The following SLIT1 variants were observed in gnomAD, a reference collection of about 807,000 sequenced individuals.
SLIT1 encodes slit homolog 1 protein.
In SLIT1, 66 loss-of-function variants were observed where a neutral mutation model predicts 186.1. The observed-to-expected ratio is 0.35, with a 90% CI of 0.29 to 0.44. The LOEUF is 0.44. Ranked by LOEUF, SLIT1 falls within the 20% of genes least tolerant of loss-of-function variation. The pLI is 1.00. For missense variants in SLIT1, 1,638 were observed against 2,037.4 expected (o/e 0.80, Z 3.77); for synonymous variants, 761 against 833.8 (o/e 0.91, Z 1.50).
intron 4 of SLIT1, among the ~76,000 whole-genome samples, chr10:97,109,385 AG>A (rs1039614107): frequency 4.1e-4 from 63 of 152,156 alleles, no homozygotes; most frequent in African/African-American, 1.4e-3. Context: ...CTGCAACCTC[AG>A]CTACTCTCTC....
intron 4 of SLIT1, among the ~76,000 whole-genome samples, chr10:97,070,241 G>A (rs181688364): frequency 7.9e-5 from 12 of 152,324 alleles, no homozygotes; most frequent in African/African-American, 1.9e-4. Context: ...CTTGAAAGCC[G>A]CAGTGTTTTG....
chr10:97,043,262 C>A lies in SLIT1; in HGVS notation c.1997+108G>T. 6.9e-7 allele frequency: 1 copy of A among 1,457,054 alleles called. No individual in the cohort carries two copies. The highest frequency in any genetic ancestry group is 1.8e-5 in the Admixed American group (1 of 54,210). 90.3% of individuals were successfully genotyped at this position (1,457,054 alleles called of 1,614,324 possible). A position where few individuals can be genotyped will look rare whatever the true frequency, so the allele number is the denominator to read the frequency against. Reference sequence around the variant, plus strand: ...ATGTGGAACCCACGTTTCAGCAAACCACGAAGACCCAGCACCCCCAGGGTG... The same window carrying A: ...ATGTGGAACCCACGTTTCAGCAAACAACGAAGACCCAGCACCCCCAGGGTG... On this transcript the variant is annotated intron_variant, in intron 19 of 36. Coordinates refer to ENST00000266058, the MANE Select transcript of SLIT1 (RefSeq NM_003061.3). The surrounding 1 kb of genome is among the most constrained non-coding windows in gnomAD (Gnocchi z 7.0).
At chr10:97,078,344 G>A (rs1849066662) in intron 4 of SLIT1, among the ~76,000 whole-genome samples, 1 of 152,040 alleles carries the variant, frequency 6.6e-6, no homozygotes, top group African/African-American at 2.4e-5. Context: ...AAACCCTCCT[G>A]TGGCAGCCCC....
intron 13 of SLIT1, among the ~76,000 whole-genome samples, chr10:97,054,609 C>T (rs1848821037): frequency 6.6e-6 from 1 of 152,138 alleles, no homozygotes; most frequent in Non-Finnish European, 1.5e-5. Flanking sequence ...TCCACAATCC[C>T]ATCTATAAAA....
Position 97,043,005 on chromosome 10 carries a change from C to T in SLIT1, c.2060G>A (p.Arg687Gln), listed in dbSNP as rs141758146. ...CQLAWLGGWL[R>Q]KRKIVTGNPR... ...GTTCCCCGTCACGATCTTGCGCTTCCGTAGCCAGCCTCCTAGCCAGGCCAG... is the reference window on the plus strand; with the variant it reads ...GTTCCCCGTCACGATCTTGCGCTTCTGTAGCCAGCCTCCTAGCCAGGCCAG... The change falls in exon 20 of 37, where the codon CGG (arginine) becomes CAG (glutamine). Residue 687 changes from arginine (R) to glutamine (Q), a missense_variant. Arg to Gln is a conservative substitution (Grantham distance 43). Coordinates refer to ENST00000266058, the MANE Select transcript of SLIT1 (RefSeq NM_003061.3). The surrounding 1 kb of genome is among the most constrained non-coding windows in gnomAD (Gnocchi z 7.0). 8.1e-6 allele frequency: 13 copies of T among 1,614,256 alleles called. No individual in the cohort carries two copies. Among genetic ancestry groups the T allele is most frequent in the South Asian group, 1.1e-5 (1 of 91,088 alleles).
At chr10:97,076,397 G>C (rs1312737622) in intron 4 of SLIT1, among the ~76,000 whole-genome samples, 1 of 152,202 alleles carries the variant, frequency 6.6e-6, no homozygotes, top group Non-Finnish European at 1.5e-5. Flanking sequence ...GGATGCACAT[G>C]CTGCTCAGAG....
chr10:97,134,887 C>T (rs1369879037), intron 4 of SLIT1, among the ~76,000 whole-genome samples: 2 of 152,186 alleles, frequency 1.3e-5, no homozygotes, highest in Admixed American at 6.5e-5. Context: ...GCTACTAACC[C>T]ACTCACTGTG....
intron 28 of SLIT1, among the ~76,000 whole-genome samples, chr10:97,015,380 C>G (rs539238915): frequency 1.3e-5 from 2 of 152,354 alleles, no homozygotes; most frequent in South Asian, 4.1e-4. Flanking sequence ...ATAGAACTGT[C>G]AGCTGATAGA....
intron 7 of SLIT1, among the ~76,000 whole-genome samples, 155 bp downstream of exon 7, chr10:97,064,013 G>A (rs755538580): frequency 3.3e-5 from 5 of 152,004 alleles, no homozygotes; most frequent in East Asian, 1.9e-4. Context: ...TTCCGCCTCC[G>A]AGAGCATGAA....
Position 97,004,147 on chromosome 10 carries a change from A to G in SLIT1, c.3786T>C (p.Ile1262=), listed in dbSNP as rs375179079. 9.3e-6 allele frequency: 15 copies of G among 1,613,862 alleles called. No individual in the cohort carries two copies. Among genetic ancestry groups the G allele is most frequent in the African/African-American group, 1.3e-5 (1 of 75,060 alleles). ...CCATGGTCATGGGGCTCCCGCCATC[A>G]ATGGAGAGATTCACCATCTGGTCAA... ...VAFDQMVNLS[I]DGGSPMTMDN... is the part of the protein sequence containing the mutation. The change falls in exon 34 of 37, where the codon ATT becomes ATC. Residue 1262 remains isoleucine (I), a synonymous_variant. Coordinates refer to ENST00000266058, the MANE Select transcript of SLIT1 (RefSeq NM_003061.3). The surrounding 1 kb of genome is among the most constrained non-coding windows in gnomAD (Gnocchi z 5.1).
At chr10:97,086,193 A>T (rs1185430208) in intron 4 of SLIT1, among the ~76,000 whole-genome samples, 1 of 152,214 alleles carries the variant, frequency 6.6e-6, no homozygotes, top group East Asian at 1.9e-4. Flanking sequence ...TAAAACTTGG[A>T]AGCAGCCAAA....
intron 4 of SLIT1, among the ~76,000 whole-genome samples, chr10:97,087,946 C>T (rs186616494): frequency 2.0e-5 from 3 of 152,260 alleles, no homozygotes; most frequent in African/African-American, 7.2e-5. Flanking sequence ...GACAGAAATG[C>T]AGAATCGCAC....
At chr10:97,020,039 C>T (rs560226895) in intron 26 of SLIT1, among the ~76,000 whole-genome samples, 1 of 151,840 alleles carries the variant, frequency 6.6e-6, no homozygotes, top group South Asian at 2.1e-4. Flanking sequence ...CACTGGCGCA[C>T]ACATGGCTCA....
rs1348783423 is a variant in SLIT1, at chr10:97,004,774, T to G, written c.3629A>C (p.Asp1210Ala). The change falls in exon 33 of 37, where the codon GAC (aspartate) becomes GCC (alanine). Residue 1210 changes from aspartate to alanine, a missense_variant. Asp to Ala is a moderately radical substitution (Grantham distance 126). Transcript: ENST00000266058. The surrounding 1 kb of genome is among the most constrained non-coding windows in gnomAD (Gnocchi z 5.1). Reference protein sequence around the residue: ...NGILLYNGDNDHIAVELYQGH... With the variant: ...NGILLYNGDNAHIAVELYQGH... ...CTGGTACAGCTCAACTGCAATGTGG[T>G]CGTTGTCCCCGTTGTACAGAAGGAT... 5 of 1,613,936 alleles carry G rather than the reference T, an allele frequency of 3.1e-6. No homozygotes were observed. The highest frequency in any genetic ancestry group is 8.5e-7 in the Non-Finnish European group (1 of 1,179,984).
At chr10:97,133,231 C>T (rs1849670852) in intron 4 of SLIT1, among the ~76,000 whole-genome samples, 1 of 152,156 alleles carries the variant, frequency 6.6e-6, no homozygotes, top group Non-Finnish European at 1.5e-5. Context: ...GAGGACATTA[C>T]GCTAAGTGAA....
At chr10:97,135,055 T>C (rs1849689032) in intron 4 of SLIT1, among the ~76,000 whole-genome samples, 1 of 152,094 alleles carries the variant, frequency 6.6e-6, no homozygotes, top group Non-Finnish European at 1.5e-5. Context: ...ACAGAAATAT[T>C]TGTTGAGTGT....
At chr10:97,128,154 C>T (rs561290622) in intron 4 of SLIT1, among the ~76,000 whole-genome samples, 1 of 152,258 alleles carries the variant, frequency 6.6e-6, no homozygotes, top group African/African-American at 2.4e-5. Context: ...GGCCTCAGCC[C>T]TGGCCCTCTT....
intron 5 of SLIT1, 44 bp downstream of exon 5, chr10:97,065,970 GC>G (rs1170044671): frequency 7.2e-7 from 1 of 1,394,628 alleles, no homozygotes; most frequent in Non-Finnish European, 1.0e-6. Context: ...GCCAGGAGTG[GC>G]CCTGGAGCCC....
At chr10:97,141,641 T>A (rs1849758731) in intron 4 of SLIT1, among the ~76,000 whole-genome samples, 1 of 151,814 alleles carries the variant, frequency 6.6e-6, no homozygotes, top group Non-Finnish European at 1.5e-5. Flanking sequence ...CTTAATGCAC[T>A]GTATTGCATT....
Sources: gnomAD v4.1 joint callset for allele counts (sites outside exome capture counted in the v4.1 genomes callset) on GRCh38, gnomAD v4.1.1 for gene constraint, Gnocchi (gnomAD v3.1) non-coding constraint, MANE v1.5 for transcripts, NCBI Gene and HGNC (gene_info 2026-07-23, HGNC 2026-07-21) for gene names.